JAK2: variants seen among roughly 807,000 people sequenced by gnomAD.
The protein encoded by JAK2 is tyrosine-protein kinase JAK2.
A neutral mutation model predicts 139.3 loss-of-function variants in JAK2; 86 were observed. That is an observed-to-expected ratio of 0.62 (90% confidence interval 0.52 to 0.74). The LOEUF is 0.74. Ranked by LOEUF, JAK2 falls within the 30% of genes least tolerant of loss-of-function variation. The pLI, the probability that JAK2 is intolerant of heterozygous loss-of-function variation, is 0.00. For missense variants in JAK2, 1,421 were observed against 1,360.3 expected (o/e 1.04, Z -0.70); for synonymous variants, 490 against 437.7 (o/e 1.12, Z -1.49).
At chr9:4,987,311 G>C (rs1420564737) in intron 2 of JAK2, among the ~76,000 whole-genome samples, 1 of 152,180 alleles carries the variant, frequency 6.6e-6, no homozygotes, top group Non-Finnish European at 1.5e-5. Flanking sequence ...TATGGGAAGG[G>C]AATATGACAT....
At chr9:5,068,218 C>A (rs1818703839) in intron 10 of JAK2, among the ~76,000 whole-genome samples, 1 of 149,964 alleles carries the variant, frequency 6.7e-6, no homozygotes, top group African/African-American at 2.5e-5. Flanking sequence ...ATAGGAAGAA[C>A]CTGATTGACC....
rs927984573 is a variant in JAK2 at position 4,987,388 on chromosome 9, T to A, written c.-26+1366T>A. 5.3e-5 allele frequency among the ~76,000 whole-genome samples: 8 copies of A among 152,132 alleles called. No homozygotes were observed. In the East Asian group the frequency reaches 1.5e-3, roughly 29 times the overall value. On this transcript the variant is annotated intron_variant, in intron 2 of 24. Transcript: ENST00000381652. ...TTTGAGGCAGAATAGGAAAGTGCATTGGCTTTGGAGTGAGATCTGGATTTG... is the reference window on the plus strand; with the variant it reads ...TTTGAGGCAGAATAGGAAAGTGCATAGGCTTTGGAGTGAGATCTGGATTTG...
intron 2 of JAK2, among the ~76,000 whole-genome samples, chr9:4,998,071 AAT>A (rs1460187502): frequency 2.0e-5 from 3 of 152,172 alleles, no homozygotes; most frequent in Non-Finnish European, 4.4e-5. Flanking sequence ...GATTTTTTTG[AAT>A]ATCAATAGCA....
At chr9:5,039,167 C>T (rs995966968) in intron 4 of JAK2, among the ~76,000 whole-genome samples, 1 of 151,674 alleles carries the variant, frequency 6.6e-6, no homozygotes, top group African/African-American at 2.4e-5. Flanking sequence ...GGAAATTAGG[C>T]AAGAAAAAGA....
chr9:5,064,053 G>T (rs1233162421), intron 8 of JAK2, among the ~76,000 whole-genome samples: 1 of 152,194 alleles, frequency 6.6e-6, no homozygotes, highest in Non-Finnish European at 1.5e-5. Context: ...CTTTTTGGGA[G>T]ACTGAGACAG....
At chr9:5,043,250 T>A (rs1816750482) in intron 4 of JAK2, among the ~76,000 whole-genome samples, 1 of 151,814 alleles carries the variant, frequency 6.6e-6, no homozygotes, top group African/African-American at 2.4e-5. Context: ...CTTTACCAAG[T>A]GTACGGAAAT....
In JAK2 at chr9:5,117,079, G is replaced by A. The variant is rs759478884; in HGVS notation, c.3060-5925G>A. 5.9e-5 allele frequency among the ~76,000 whole-genome samples: 9 copies of A among 152,248 alleles called. No homozygotes were observed. The East Asian group carries it at 9.6e-4, about 16-fold the overall frequency. On this transcript the variant is annotated intron_variant, in intron 22 of 24. Transcript: ENST00000381652. ...TCCACTTTCATCCATGTGAGGACAC[G>A]GCATTCCTCTCCTCTAAAAGATGTG...
At chr9:5,096,596 G>C (rs1386204557) in intron 22 of JAK2, 1 of 152,158 alleles carries the variant, frequency 6.6e-6, no homozygotes, top group South Asian at 2.1e-4. Context: ...CTGGTAAAAA[G>C]AGGTCTTGAC....
intron 3 of JAK2, among the ~76,000 whole-genome samples, chr9:5,022,832 G>A (rs1446352394): frequency 6.6e-6 from 1 of 152,156 alleles, no homozygotes; most frequent in African/African-American, 2.4e-5. Flanking sequence ...ATTTTTAAAT[G>A]TTCTTTTAAT....
intron 19 of JAK2, chr9:5,085,233 G>A: frequency 1.5e-6 from 1 of 670,656 alleles, no homozygotes; most frequent in South Asian, 1.4e-5. Flanking sequence ...AGGCAAATAG[G>A]ACAGGACCAG....
intron 2 of JAK2, among the ~76,000 whole-genome samples, chr9:5,020,785 C>T (rs553153317): frequency 1.3e-4 from 20 of 152,020 alleles, no homozygotes; most frequent in Non-Finnish European, 2.2e-4. Flanking sequence ...GTCCCAGAGG[C>T]GGCAGCCAGC....
chr9:5,008,901 A>AT (rs986780311), intron 2 of JAK2, among the ~76,000 whole-genome samples: 12 of 151,776 alleles, frequency 7.9e-5, no homozygotes, highest in African/African-American at 2.9e-4. Context: ...TGCTCATAAT[A>AT]TTTTTTTCTT....
At chr9:5,103,511 A>G (rs574073731) in intron 22 of JAK2, among the ~76,000 whole-genome samples, 4 of 152,248 alleles carry the variant, frequency 2.6e-5, no homozygotes, top group South Asian at 2.1e-4. Context: ...AGACAGATCA[A>G]TGAGACAGAA....
At chr9:5,032,665 A>C (rs966704676) in intron 4 of JAK2, among the ~76,000 whole-genome samples, 1 of 152,220 alleles carries the variant, frequency 6.6e-6, no homozygotes, top group Admixed American at 6.5e-5. Flanking sequence ...GCAAACTCCA[A>C]CAGACCTGCA....
At chr9:5,086,045 C>G (rs980456094) in intron 19 of JAK2, 1 of 748,894 alleles carries the variant, frequency 1.3e-6, no homozygotes, top group Non-Finnish European at 2.5e-6. Flanking sequence ...GTGTTAAATG[C>G]TTCACAAGAT....
intron 2 of JAK2, among the ~76,000 whole-genome samples, chr9:5,015,966 T>C (rs917984740): frequency 2.0e-5 from 3 of 152,142 alleles, no homozygotes; most frequent in African/African-American, 7.2e-5. Flanking sequence ...TGCAAAATAC[T>C]GAGTGTGGTT....
At chr9:5,088,444 C>G (rs892798515) in intron 19 of JAK2, among the ~76,000 whole-genome samples, 1 of 152,030 alleles carries the variant, frequency 6.6e-6, no homozygotes, top group Non-Finnish European at 1.5e-5. Flanking sequence ...TGATTAATAT[C>G]AAAAACCTAT....
In JAK2 at chr9:5,090,448, C is replaced by G. The variant is rs764302764; in HGVS notation, c.2764C>G (p.Arg922Gly). 5 of 1,542,336 alleles carry G rather than the reference C, an allele frequency of 3.2e-6. No homozygotes were observed. The highest frequency in any genetic ancestry group is 3.9e-5 in the Admixed American group (2 of 51,520). Reference protein sequence around the residue: ...KYKGVCYSAGRRNLKLIMEYL... With the variant: ...KYKGVCYSAGGRNLKLIMEYL... ...TATTTCCACCTTTATGTTAAAAGGTCGGCGTAATCTAAAATTAATTATGGA... is the reference window on the plus strand; with the variant it reads ...TATTTCCACCTTTATGTTAAAAGGTGGGCGTAATCTAAAATTAATTATGGA... Residue 922 changes from arginine (R) to glycine (G), a missense_variant and splice_region_variant, in exon 21 of 25, where the codon CGG (arginine) becomes GGG (glycine). By Grantham distance (125) the Arg-to-Gly change is moderately radical. Coordinates refer to ENST00000381652, the MANE Select transcript of JAK2 (RefSeq NM_004972.4).
intron 13 of JAK2, among the ~76,000 whole-genome samples, chr9:5,073,342 A>G (rs921473384): frequency 1.3e-5 from 2 of 152,206 alleles, no homozygotes; most frequent in African/African-American, 4.8e-5. Flanking sequence ...TTTAAAGGCT[A>G]CATCCATCTA....
Sources: allele counts gnomAD v4.1 joint callset (sites outside exome capture counted in the v4.1 genomes callset), GRCh38; gene constraint gnomAD v4.1.1; transcripts MANE v1.5; gene names NCBI Gene and HGNC (gene_info 2026-07-23, HGNC 2026-07-21).